LRRC4C: variants seen among roughly 807,000 people sequenced by gnomAD.
The protein encoded by LRRC4C is leucine-rich repeat-containing protein 4C.
In LRRC4C, 5 loss-of-function variants were observed where a neutral mutation model predicts 33.6. That is an observed-to-expected ratio of 0.15 (90% CI 0.08 to 0.31). The LOEUF (loss-of-function observed/expected upper bound fraction) is 0.31, where lower values mean the gene tolerates loss of function less well. Ranked by LOEUF, LRRC4C falls within the 10% of genes least tolerant of loss-of-function variation. LRRC4C has a pLI of 1.00. For missense variants in LRRC4C, 560 were observed against 796.7 expected (o/e 0.70, Z 3.58); for synonymous variants, 329 against 302.0 (o/e 1.09, Z -0.93).
chr11:40,447,533 T>A (rs1247297505), intron 3 of LRRC4C, among the ~76,000 whole-genome samples: 1 of 152,190 alleles, frequency 6.6e-6, no homozygotes, highest in African/African-American at 2.4e-5. Context: ...TTTTTTTGTT[T>A]GTATTTTATT....
intron 3 of LRRC4C, among the ~76,000 whole-genome samples, chr11:40,635,110 C>T (rs80111211): frequency 0.039 from 5,886 of 152,162 alleles, 380 homozygotes; most frequent in African/African-American, 0.13. Flanking sequence ...ACTCCTATAC[C>T]TCCAGGCAAA....
intron 2 of LRRC4C, among the ~76,000 whole-genome samples, chr11:40,697,075 G>A (rs146694455): frequency 4.2e-4 from 64 of 152,014 alleles, no homozygotes; most frequent in Non-Finnish European, 7.8e-4. Flanking sequence ...TCATTAATCC[G>A]ACATTTGGGA....
At chr11:41,068,453 A>C (rs1938429679) in intron 1 of LRRC4C, among the ~76,000 whole-genome samples, 2 of 152,064 alleles carry the variant, frequency 1.3e-5, no homozygotes, top group African/African-American at 4.8e-5. Context: ...TTTTTTGAAA[A>C]AATTAACAAA....
intron 1 of LRRC4C, among the ~76,000 whole-genome samples, chr11:41,345,111 G>A (rs1439550970): frequency 6.6e-6 from 1 of 152,108 alleles, no homozygotes; most frequent in African/African-American, 2.4e-5. Context: ...GAAAATTCTG[G>A]TGAAATAAGC....
intron 1 of LRRC4C, among the ~76,000 whole-genome samples, chr11:41,351,257 AC>A (rs1951973849): frequency 6.6e-6 from 1 of 150,966 alleles, no homozygotes; most frequent in Admixed American, 6.6e-5. Context: ...ACACATACAC[AC>A]ACACACACAC....
intron 3 of LRRC4C, among the ~76,000 whole-genome samples, chr11:40,425,438 A>G (rs888346133): frequency 3.3e-5 from 5 of 152,204 alleles, no homozygotes; most frequent in Non-Finnish European, 7.3e-5. Context: ...CCTTGCTGTT[A>G]GCCTTACAAA....
intron 6 of LRRC4C, among the ~76,000 whole-genome samples, chr11:40,125,909 C>G (rs1856187780): frequency 6.6e-6 from 1 of 152,096 alleles, no homozygotes; most frequent in African/African-American, 2.4e-5. Flanking sequence ...ATTTTTAACC[C>G]AATCTTGCAA....
At chr11:40,526,721 C>T (rs1956065953) in intron 3 of LRRC4C, among the ~76,000 whole-genome samples, 1 of 151,796 alleles carries the variant, frequency 6.6e-6, no homozygotes, top group African/African-American at 2.4e-5. Flanking sequence ...GGTATGGTCA[C>T]CAAAAGACAT....
chr11:41,195,619 A>G lies in LRRC4C; in HGVS notation c.-495-261896T>C, dbSNP rs183241977. ...GATACAGGTATGCGTTGACTTAGAG[A>G]TGATATGTCTATTTTATATTCCCAT... On this transcript the variant is annotated intron_variant, in intron 1 of 6. Transcript: ENST00000528697. Among the ~76,000 whole-genome samples, 401 of 152,180 alleles carry G rather than the reference A, an allele frequency of 2.6e-3. 8 individuals are homozygous for G. The highest frequency in any genetic ancestry group is 7.2e-4 in the Non-Finnish European group (49 of 67,990).
At chr11:41,304,163 G>T (rs1409108112) in intron 1 of LRRC4C, among the ~76,000 whole-genome samples, 4 of 99,574 alleles carry the variant, frequency 4.0e-5, no homozygotes, top group South Asian at 3.6e-4. Flanking sequence ...CCCCGTCCGG[G>T]AGGGAGGTGG....
chr11:40,706,358 C>T (rs1350439656), intron 2 of LRRC4C, among the ~76,000 whole-genome samples: 1 of 152,144 alleles, frequency 6.6e-6, no homozygotes, highest in Non-Finnish European at 1.5e-5. Context: ...ACATTTAAGT[C>T]TTTAATCCAT....
intron 1 of LRRC4C, among the ~76,000 whole-genome samples, chr11:41,275,969 T>C (rs907363787): frequency 3.9e-5 from 6 of 152,282 alleles, no homozygotes; most frequent in Admixed American, 1.3e-4. Flanking sequence ...TGGCTTGGGA[T>C]ATGACTGAAT....
At chr11:40,702,502 A>G (rs1945914495) in intron 2 of LRRC4C, among the ~76,000 whole-genome samples, 1 of 152,058 alleles carries the variant, frequency 6.6e-6, no homozygotes, top group South Asian at 2.1e-4. Flanking sequence ...TTTTAATTAT[A>G]CAAATTACAT....
At chr11:40,508,468 C>T (rs1279358439) in intron 3 of LRRC4C, among the ~76,000 whole-genome samples, 2 of 151,802 alleles carry the variant, frequency 1.3e-5, no homozygotes, top group Non-Finnish European at 2.9e-5. Flanking sequence ...TGGAAGTTGG[C>T]CCAAAAAAAG....
intron 1 of LRRC4C, among the ~76,000 whole-genome samples, chr11:41,150,944 C>T (rs1322040503): frequency 6.6e-6 from 1 of 151,996 alleles, no homozygotes; most frequent in Admixed American, 6.6e-5. Flanking sequence ...CCTAATTCAA[C>T]CACTGAGGGA....
chr11:40,196,130 C>G (rs1165232653), intron 5 of LRRC4C, among the ~76,000 whole-genome samples: 5 of 152,174 alleles, frequency 3.3e-5, no homozygotes, highest in Non-Finnish European at 7.3e-5. Flanking sequence ...CTAGTAGGAG[C>G]TTTTTGCTTC....
intron 1 of LRRC4C, among the ~76,000 whole-genome samples, chr11:41,071,438 T>C (rs1439442534): frequency 6.6e-6 from 1 of 151,968 alleles, no homozygotes; most frequent in African/African-American, 2.4e-5. Context: ...ATAAATAAAA[T>C]AAAATGCCTA....
At chr11:41,386,891 G>T (rs1166879894) in intron 1 of LRRC4C, among the ~76,000 whole-genome samples, 2 of 151,676 alleles carry the variant, frequency 1.3e-5, no homozygotes, top group Non-Finnish European at 3.0e-5. Flanking sequence ...ATTCCTTTGT[G>T]TAACAGGAAA....
At chr11:40,402,099 A>G (rs1322010961) in intron 3 of LRRC4C, among the ~76,000 whole-genome samples, 3 of 152,096 alleles carry the variant, frequency 2.0e-5, no homozygotes, top group African/African-American at 7.2e-5. Context: ...ACAATTTCAG[A>G]TAACCATTTG....
Sources: gnomAD v4.1 joint callset for allele counts (sites outside exome capture counted in the v4.1 genomes callset) on GRCh38, gnomAD v4.1.1 for gene constraint, MANE v1.5 for transcripts, NCBI Gene and HGNC (gene_info 2026-07-23, HGNC 2026-07-21) for gene names.